The following AGTRAP variants were observed in gnomAD, a reference collection of about 807,000 sequenced individuals.
The protein encoded by AGTRAP is angiotensin II receptor associated protein.
A neutral mutation model predicts 15.2 loss-of-function variants in AGTRAP; 7 were observed. The ratio of observed to expected loss-of-function variants is 0.46; its 90% confidence interval spans 0.26 to 0.87. AGTRAP has a LOEUF of 0.87. Ranked by LOEUF, AGTRAP falls within the 40% of genes least tolerant of loss-of-function variation. AGTRAP has a pLI of 0.15. For synonymous variants in AGTRAP, 74 were observed against 89.6 expected (o/e 0.83, Z 0.98); for missense variants, 187 against 213.4 (o/e 0.88, Z 0.77).
intron 1 of AGTRAP, chr1:11,744,523 C>T: frequency 1.4e-6 from 1 of 715,608 alleles, no homozygotes. Context: ...TTCCCCTCTG[C>T]CCCCCACAGT....
chr1:11,745,891 C>A lies in AGTRAP; in HGVS notation c.62+54C>A. ...TCTCCTGCGGTCTCAGGGTCTGTGT[C>A]AGCCGGGTCAGGTCCTGGTTCTGCC... On this transcript the variant is annotated intron_variant, in intron 2 of 4. Coordinates refer to ENST00000314340, the MANE Select transcript of AGTRAP (RefSeq NM_020350.5). This position sits in a 1 kb window ranked among gnomAD's most constrained non-coding sequence, Gnocchi z 4.2. 6.2e-7 allele frequency: 1 copy of A among 1,607,076 alleles called. No homozygotes were observed. The highest frequency in any genetic ancestry group is 1.1e-5 in the South Asian group (1 of 90,916).
At chr1:11,738,478 T>C (rs1641951090) in intron 1 of AGTRAP, among the ~76,000 whole-genome samples, 1 of 152,140 alleles carries the variant, frequency 6.6e-6, no homozygotes, top group African/African-American at 2.4e-5. Flanking sequence ...TCTGGTGGTC[T>C]AGGAGGTAGT....
intron 4 of AGTRAP, 56 bp downstream of exon 4, chr1:11,748,666 C>CCT: frequency 1.3e-6 from 2 of 1,559,890 alleles, no homozygotes; most frequent in Non-Finnish European, 1.7e-6. Context: ...CCTTGCCTGG[C>CCT]CTCCAGCCTC....
intron 1 of AGTRAP, among the ~76,000 whole-genome samples, chr1:11,737,604 G>C (rs1489177640): frequency 6.6e-6 from 1 of 152,168 alleles, no homozygotes; most frequent in African/African-American, 2.4e-5. Flanking sequence ...GTCCCACGGG[G>C]AGTAAGTGGC....
chr1:11,739,873 C>T (rs1294365054), intron 1 of AGTRAP, among the ~76,000 whole-genome samples: 2 of 152,240 alleles, frequency 1.3e-5, no homozygotes, highest in Non-Finnish European at 2.9e-5. Flanking sequence ...GAGGCACCCC[C>T]GTGGGACAAA....
intron 4 of AGTRAP, among the ~76,000 whole-genome samples, chr1:11,749,417 G>C (rs1187731426): frequency 6.6e-6 from 1 of 152,034 alleles, no homozygotes; most frequent in Non-Finnish European, 1.5e-5. Flanking sequence ...GCACTGCCTG[G>C]GCCTGCCCCC....
intron 1 of AGTRAP, among the ~76,000 whole-genome samples, chr1:11,739,054 G>A (rs536834747): frequency 1.3e-5 from 2 of 152,280 alleles, no homozygotes; most frequent in Non-Finnish European, 2.9e-5. Context: ...AGATCCTGAC[G>A]GTGTAGCACA....
At position 11,750,139 on chromosome 1, in the gene AGTRAP, G is replaced by C. The variant is rs543179732; in HGVS notation, c.427G>C (p.Ala143Pro). ...GACGATTGACTCAGCAGAGGCGCCC[G>C]CAGATCCCTTTGCAGTCCCAGAGGG... is the stretch of plus-strand genomic sequence containing the variant. ...YQTIDSAEAP[A>P]DPFAVPEGRS... Residue 143 changes from alanine to proline, a missense_variant, in exon 5 of 5, where the codon GCA becomes CCA. Transcript: ENST00000314340. The C allele has an allele frequency of 3.1e-6, 5 of 1,613,894 alleles. No individual in the cohort carries two copies. The highest frequency in any genetic ancestry group is 4.2e-6 in the Non-Finnish European group (5 of 1,180,018).
In AGTRAP at chr1:11,748,433, G is replaced by A. The variant is rs1463248962; in HGVS notation, c.187G>A (p.Ala63Thr). The A allele has an allele frequency of 1.9e-6, 3 of 1,613,580 alleles. No homozygotes were observed. Among genetic ancestry groups the A allele is most frequent in the South Asian group, 1.1e-5 (1 of 91,074 alleles). ...CTTGCAGTTTCTGGGTGGCTTGCTG[G>A]CCACCATCTTCCTGGACATCGTGCA... ...AISMFLGGLL[A>T]TIFLDIVHIS... The change falls in exon 4 of 5, where the codon GCC (alanine) becomes ACC (threonine). Residue 63 changes from alanine (A) to threonine (T), a missense_variant. Transcript: ENST00000314340.
chr1:11,740,760 G>A (rs184019358), intron 1 of AGTRAP, among the ~76,000 whole-genome samples: 9 of 152,342 alleles, frequency 5.9e-5, no homozygotes, highest in African/African-American at 1.7e-4. Context: ...TACAGTCTAG[G>A]CATAGGAGCG....
At chr1:11,749,469 G>A (rs17875992) in intron 4 of AGTRAP, among the ~76,000 whole-genome samples, 1,595 of 152,326 alleles carry the variant, frequency 0.01, 8 homozygotes, top group Non-Finnish European at 0.017. Flanking sequence ...GGACAGATGA[G>A]GAAACTGAGG....
intron 3 of AGTRAP, 134 bp downstream of exon 3, chr1:11,747,679 C>T (rs1293301442): frequency 1.1e-6 from 1 of 925,690 alleles, no homozygotes; most frequent in Non-Finnish European, 1.7e-6. Context: ...TGTCTAAAGC[C>T]TGTTCATCAG....
At chr1:11,742,276 C>T (rs1642049665) in intron 1 of AGTRAP, among the ~76,000 whole-genome samples, 1 of 152,320 alleles carries the variant, frequency 6.6e-6, no homozygotes, top group Admixed American at 6.5e-5. Context: ...CCAGAGGCTG[C>T]TGTGAGGTCC....
chr1:11,744,545 A>G (rs1234659901), intron 1 of AGTRAP: 2 of 716,688 alleles, frequency 2.8e-6, no homozygotes, highest in Non-Finnish European at 5.2e-6. Context: ...CGCCAGCTCC[A>G]GTGTCCCAAG....
rs531367893 is a variant in AGTRAP at position 11,750,213 on chromosome 1, G to GCCCTGCC, written c.*24_*30dup. On this transcript the variant is annotated 3_prime_UTR_variant, in exon 5 of 5. Transcript: ENST00000314340. The stretch of plus-strand genomic sequence containing the variant: ...ACTGAAGCCAGCCACGCTGCGCCCG[G>GCCCTGCC]CCCTGCCCCGGGCCTTCCTCGTGCC... 1,269 of 1,597,406 alleles carry GCCCTGCC rather than the reference G, an allele frequency of 7.9e-4. 11 individuals carry two copies. In the African/African-American group the frequency reaches 0.013, roughly 17 times the overall value.
intron 1 of AGTRAP, among the ~76,000 whole-genome samples, chr1:11,744,157 C>T (rs760666826): frequency 6.6e-6 from 1 of 152,106 alleles, no homozygotes; most frequent in Admixed American, 6.5e-5. Flanking sequence ...CACCTGTAGT[C>T]CCAGCTACTG....
Position 11,744,440 on chromosome 1 carries a change from G to A in AGTRAP, c.28-1363G>A, listed in dbSNP as rs192115881. ...TGGCATGAAGCCCACGCTCCTTCCC[G>A]AGGCCCTCAGGCCCCCCTACCTGTC... On this transcript the variant is annotated intron_variant, in intron 1 of 4. Coordinates refer to ENST00000314340, the MANE Select transcript of AGTRAP (RefSeq NM_020350.5). The A allele has an allele frequency of 9.4e-3, 6,314 of 668,260 alleles. 62 individuals are homozygous for A. The highest frequency in any genetic ancestry group is 0.011 in the Non-Finnish European group (3,990 of 357,524). The allele number at this position is 668,260 out of a possible 1,614,324, so 41.4% of individuals were successfully genotyped here. A position where few individuals can be genotyped will look rare whatever the true frequency, so the allele number is the denominator to read the frequency against.
Position 11,736,168 on chromosome 1 carries a change from C to A in AGTRAP, c.-41C>A, listed in dbSNP as rs377294580. 7.3e-5 allele frequency: 116 copies of A among 1,586,902 alleles called. No homozygotes were observed. In the South Asian group the frequency reaches 1.2e-3, roughly 16 times the overall value. The stretch of plus-strand genomic sequence containing the variant: ...TTCCCCGAGTTCGGAGCCTAGGAGC[C>A]CCCCGCGGCTGCGGCGCAGGTGCCC... On this transcript the variant is annotated 5_prime_UTR_variant, in exon 1 of 5. Coordinates refer to ENST00000314340, the MANE Select transcript of AGTRAP (RefSeq NM_020350.5).
Position 11,744,583 on chromosome 1 carries a change from C to G in AGTRAP, c.28-1220C>G, listed in dbSNP as rs75179497. On this transcript the variant is annotated intron_variant, in intron 1 of 4. Transcript: ENST00000314340. ...ATCACCCTCACGTGAGTCCCCACCGCTCCGCTTCCCATCGAGGCCTCTTCT... is the reference window on the plus strand; with the variant it reads ...ATCACCCTCACGTGAGTCCCCACCGGTCCGCTTCCCATCGAGGCCTCTTCT... The G allele has an allele frequency of 3.4e-3, 2,419 of 715,574 alleles. 11 individuals carry two copies. Among genetic ancestry groups the G allele is most frequent in the Non-Finnish European group, 5.2e-3 (2,001 of 384,254 alleles). The allele number at this position is 715,574 out of a possible 1,614,324, so 44.3% of individuals were successfully genotyped here. A position where few individuals can be genotyped will look rare whatever the true frequency, so the allele number is the denominator to read the frequency against.
Sources: allele counts gnomAD v4.1 joint callset (sites outside exome capture counted in the v4.1 genomes callset), GRCh38; gene constraint gnomAD v4.1.1; non-coding constraint Gnocchi (gnomAD v3.1); transcripts MANE v1.5; gene names NCBI Gene and HGNC (gene_info 2026-07-23, HGNC 2026-07-21).